ITGA1: variants seen among roughly 807,000 people sequenced by gnomAD.
The protein encoded by ITGA1 is integrin subunit alpha 1.
ITGA1 carries 85 observed loss-of-function variants against 145.9 expected under a neutral mutation model. That is an observed-to-expected ratio of 0.58 (90% CI 0.49 to 0.70). The LOEUF is 0.70. Among genes scored for constraint, ITGA1 ranks in the 30% least tolerant of loss-of-function variants. ITGA1 has a pLI of 0.00. For missense variants in ITGA1, 1,351 were observed against 1,418.7 expected (o/e 0.95, Z 0.77); for synonymous variants, 520 against 495.3 (o/e 1.05, Z -0.66).
chr5:52,838,916 A>G (rs1422790733), intron 1 of ITGA1, among the ~76,000 whole-genome samples: 1 of 152,078 alleles, frequency 6.6e-6, no homozygotes, highest in African/African-American at 2.4e-5. Flanking sequence ...GGGCAACGTG[A>G]CGAGCACTTT....
intron 26 of ITGA1, among the ~76,000 whole-genome samples, chr5:52,943,248 G>A (rs1751080531): frequency 6.6e-6 from 1 of 152,094 alleles, no homozygotes; most frequent in African/African-American, 2.4e-5. Context: ...ATGTTTCTTT[G>A]ATGCCTGTCT....
intron 1 of ITGA1, among the ~76,000 whole-genome samples, chr5:52,821,990 T>C (rs899491212): frequency 2.0e-5 from 3 of 152,226 alleles, no homozygotes; most frequent in African/African-American, 7.2e-5. Flanking sequence ...ATATATCACA[T>C]TATAATAGAA....
chr5:52,891,235 A>T (rs900876887), intron 8 of ITGA1, among the ~76,000 whole-genome samples: 3 of 149,536 alleles, frequency 2.0e-5, no homozygotes, highest in African/African-American at 7.4e-5. Context: ...TTTCTTTGGG[A>T]TATATACCCA....
chr5:52,911,385 A>C (rs1486248708), intron 14 of ITGA1, among the ~76,000 whole-genome samples: 1 of 134,958 alleles, frequency 7.4e-6, no homozygotes, highest in Non-Finnish European at 1.5e-5. Context: ...TATATAGTAT[A>C]TATAGTGTAT....
intron 6 of ITGA1, among the ~76,000 whole-genome samples, chr5:52,879,588 G>T (rs530985225): frequency 6.6e-6 from 1 of 152,128 alleles, no homozygotes; most frequent in African/African-American, 2.4e-5. Context: ...TTAAATTTAT[G>T]CAGAGGGTAA....
chr5:52,896,857 C>A (rs527615623), intron 9 of ITGA1, among the ~76,000 whole-genome samples: 8 of 152,106 alleles, frequency 5.3e-5, no homozygotes, highest in Non-Finnish European at 8.8e-5. Context: ...AGCCCTATCA[C>A]AAAGACCCCT....
intron 21 of ITGA1, 87 bp from the exon 22 acceptor site, chr5:52,931,960 G>A: frequency 2.6e-6 from 2 of 775,280 alleles, no homozygotes; most frequent in Non-Finnish European, 4.4e-6. Context: ...TTAGTTGCCA[G>A]GATAAGCTTC....
At position 52,955,705 on chromosome 5, in the gene ITGA1, A is replaced by T. The variant is rs896454840; in HGVS notation, c.*3254A>T. On this transcript the variant is annotated 3_prime_UTR_variant, in exon 29 of 29. Coordinates refer to ENST00000282588, the MANE Select transcript of ITGA1 (RefSeq NM_181501.2). ...AGGAATTCAAAGTCCTGTGATACAC[A>T]TTACAAAAGATGACACTTTGTAAAT... 5 of 152,220 alleles carry T rather than the reference A, an allele frequency of 3.3e-5. No homozygotes were observed. Among genetic ancestry groups the T allele is most frequent in the Admixed American group, 2.6e-4 (4 of 15,288 alleles). 9.4% of individuals were successfully genotyped at this position (152,220 alleles called of 1,614,324 possible).
intron 1 of ITGA1, among the ~76,000 whole-genome samples, chr5:52,817,545 T>C (rs2111697018): frequency 6.6e-6 from 1 of 152,318 alleles, no homozygotes; most frequent in Middle Eastern, 3.4e-3. Flanking sequence ...AGAGATTATC[T>C]TCCTTCCAAA....
rs996825221 is a variant in ITGA1, at chr5:52,937,600, A to C, written c.3078+86A>C. On this transcript the variant is annotated intron_variant, in intron 24 of 28. Coordinates refer to ENST00000282588, the MANE Select transcript of ITGA1 (RefSeq NM_181501.2). ...GCCTTTTGTTCTGCATGATACTTGT[A>C]ATAAAGAATTTTACCAAAGTAACAT... is the stretch of plus-strand genomic sequence containing the variant. 3 of 814,050 alleles carry C rather than the reference A, an allele frequency of 3.7e-6. No homozygotes were observed. The African/African-American group carries it at 5.2e-5, about 14-fold the overall frequency. The allele number at this position is 814,050 out of a possible 1,614,324, so 50.4% of individuals were successfully genotyped here. A position where few individuals can be genotyped will look rare whatever the true frequency, so the allele number is the denominator to read the frequency against.
intron 14 of ITGA1, among the ~76,000 whole-genome samples, chr5:52,915,076 C>T (rs530081851): frequency 1.3e-5 from 2 of 152,128 alleles, no homozygotes; most frequent in African/African-American, 4.8e-5. Flanking sequence ...TATTATACTC[C>T]CCTCCCCCCT....
chr5:52,838,491 C>A (rs1561223498), intron 1 of ITGA1, among the ~76,000 whole-genome samples: 1 of 152,066 alleles, frequency 6.6e-6, no homozygotes, highest in Non-Finnish European at 1.5e-5. Flanking sequence ...TAATGATTGA[C>A]CACTTGTGTG....
At chr5:52,937,596 T>G in intron 24 of ITGA1, 82 bp downstream of exon 24, 1 of 836,494 alleles carries the variant, frequency 1.2e-6, no homozygotes, top group Non-Finnish European at 2.0e-6. Flanking sequence ...TGCATGATAC[T>G]TGTAATAAAG....
intron 1 of ITGA1, among the ~76,000 whole-genome samples, chr5:52,811,675 G>C (rs528332567): frequency 1.3e-5 from 2 of 152,252 alleles, no homozygotes; most frequent in South Asian, 4.2e-4. Context: ...GTAAATACGT[G>C]CATGAAAATC....
intron 9 of ITGA1, among the ~76,000 whole-genome samples, chr5:52,897,182 A>G (rs190186192): frequency 1.3e-5 from 2 of 152,278 alleles, no homozygotes; most frequent in African/African-American, 4.8e-5. Context: ...ATGCTACAGT[A>G]TAAGAATGGA....
chr5:52,816,138 C>G (rs2111694602), intron 1 of ITGA1, among the ~76,000 whole-genome samples: 1 of 152,192 alleles, frequency 6.6e-6, no homozygotes, highest in South Asian at 2.1e-4. Flanking sequence ...AGATTATTAA[C>G]ACTTTTTATA....
At chr5:52,793,686 G>C (rs1748285262) in intron 1 of ITGA1, among the ~76,000 whole-genome samples, 1 of 151,998 alleles carries the variant, frequency 6.6e-6, no homozygotes, top group African/African-American at 2.4e-5. Flanking sequence ...TAGATACAGA[G>C]ATATAACATT....
intron 2 of ITGA1, among the ~76,000 whole-genome samples, chr5:52,855,324 A>C (rs1749495783): frequency 2.0e-5 from 3 of 152,140 alleles, no homozygotes. Flanking sequence ...ACTTAAGCTG[A>C]ATATATATTC....
intron 2 of ITGA1, among the ~76,000 whole-genome samples, chr5:52,853,689 A>G (rs935869812): frequency 4.6e-5 from 7 of 152,170 alleles, no homozygotes; most frequent in Non-Finnish European, 8.8e-5. Flanking sequence ...TGTAATTTAT[A>G]TCTTTTGCTC....
Sources: allele counts gnomAD v4.1 joint callset (sites outside exome capture counted in the v4.1 genomes callset), GRCh38; gene constraint gnomAD v4.1.1; transcripts MANE v1.5; gene names NCBI Gene and HGNC (gene_info 2026-07-23, HGNC 2026-07-21).